Variants in PRMT9 observed in about 807,000 individuals in gnomAD.
PRMT9 encodes protein arginine N-methyltransferase 9.
PRMT9 carries 59 observed loss-of-function variants against 83.2 expected under a neutral mutation model. The observed-to-expected ratio is 0.71, with a 90% CI of 0.57 to 0.88. The LOEUF is 0.88. Ranked by LOEUF, PRMT9 falls within the 40% of genes least tolerant of loss-of-function variation. PRMT9 has a pLI of 0.00. For synonymous variants in PRMT9, 333 were observed against 353.2 expected (o/e 0.94, Z 0.64); for missense variants, 947 against 1,021.9 (o/e 0.93, Z 1.00).
intron 8 of PRMT9, among the ~76,000 whole-genome samples, chr4:147,655,919 G>A (rs867121014): frequency 3.9e-5 from 6 of 152,240 alleles, no homozygotes; most frequent in Middle Eastern, 6.8e-3. Context: ...GTTACTACAG[G>A]TATAAGAGAG....
Position 147,638,750 on chromosome 4 carries a change from A to G in PRMT9, c.2323-3T>C, listed in dbSNP as rs1057510390. On this transcript the variant is annotated splice_polypyrimidine_tract_variant and splice_region_variant and intron_variant, in intron 11 of 11. Transcript: ENST00000322396. The stretch of plus-strand genomic sequence containing the variant: ...CTTCCAGATTTACAAACGTATACCT[A>G]TGAAAATAAAGAAATTAGGAAAATA... The G allele has an allele frequency of 6.3e-7, 1 of 1,599,186 alleles. No individual in the cohort carries two copies. Among genetic ancestry groups the G allele is most frequent in the East Asian group, 2.2e-5 (1 of 44,638 alleles).
chr4:147,649,150 CAG>C (rs143527864), intron 9 of PRMT9, among the ~76,000 whole-genome samples: 516 of 141,712 alleles, frequency 3.6e-3, no homozygotes, highest in Non-Finnish European at 3.3e-3. Flanking sequence ...TGGCAGAGGG[CAG>C]AGAGAGAGAG....
In PRMT9 at chr4:147,637,785, T is replaced by C. The variant is rs1477258557; in HGVS notation, c.*747A>G. The C allele has an allele frequency of 1.3e-5, 2 of 152,340 alleles. No homozygotes were observed. Among genetic ancestry groups the C allele is most frequent in the Admixed American group, 6.6e-5 (1 of 15,264 alleles). The allele number at this position is 152,340 out of a possible 1,614,324, so 9.4% of individuals were successfully genotyped here. ...TGACTTACAAAGAGCACGCAGTGTA[T>C]AGGAGGCATAATAATGATCTTCCTT... is the stretch of plus-strand genomic sequence containing the variant. On this transcript the variant is annotated 3_prime_UTR_variant, in exon 12 of 12. Transcript: ENST00000322396.
At chr4:147,650,697 CAA>C (rs1734034767) in intron 9 of PRMT9, among the ~76,000 whole-genome samples, 2 of 152,174 alleles carry the variant, frequency 1.3e-5, no homozygotes, top group African/African-American at 4.8e-5. Context: ...TGAAAAAGAA[CAA>C]AGTTGGAGGC....
intron 10 of PRMT9, among the ~76,000 whole-genome samples, chr4:147,640,077 TTTTTTTTTTTTTTA>T (rs1733286506): frequency 1.1e-5 from 1 of 90,254 alleles, no homozygotes; most frequent in African/African-American, 3.7e-5. Context: ...TTTTTTTTTT[TTTTTTTTTTTTTTA>T]ATATAGGGTC....
intron 9 of PRMT9, among the ~76,000 whole-genome samples, chr4:147,651,277 C>A (rs1391294746): frequency 6.6e-6 from 1 of 152,034 alleles, no homozygotes; most frequent in East Asian, 1.9e-4. Flanking sequence ...AACTATAGAA[C>A]TTCTGAAAGA....
In PRMT9 at chr4:147,683,719, GC is replaced by G. The variant is rs1374208100; in HGVS notation, c.189+79del. The G allele has an allele frequency of 6.3e-6, 8 of 1,266,446 alleles. No homozygotes were observed. In the East Asian group the frequency reaches 1.9e-4, roughly 30 times the overall value. The allele number at this position is 1,266,446 out of a possible 1,614,324, so 78.5% of individuals were successfully genotyped here. A position where few individuals can be genotyped will look rare whatever the true frequency, so the allele number is the denominator to read the frequency against. On this transcript the variant is annotated intron_variant, in intron 1 of 11. Transcript: ENST00000322396. ...CCCACCCAGGCACCCTAGCCCCTCC[GC>G]TTTTTTTTTTTTCTGTTTTTTTTTT...
chr4:147,657,841 A>G lies in PRMT9; in HGVS notation c.1281T>C (p.Ser427=). ...CAGCCTGTTCCCAACATGTTTCCTC[A>G]CTAGGACTTGTGGATAAACTATGTT... The part of the protein sequence containing the change: ...DDEHSLSTSP[S]EETCWEQAVY... The change falls in exon 8 of 12, where the codon AGT becomes AGC. Residue 427 remains serine (S), a synonymous_variant. Transcript: ENST00000322396. The G allele has an allele frequency of 1.9e-6, 3 of 1,611,700 alleles. No individual in the cohort carries two copies. Among genetic ancestry groups the G allele is most frequent in the South Asian group, 1.1e-5 (1 of 90,892 alleles).
chr4:147,661,655 T>C (rs181870181), intron 6 of PRMT9, among the ~76,000 whole-genome samples: 265 of 152,068 alleles, frequency 1.7e-3, no homozygotes, highest in African/African-American at 6.2e-3. Flanking sequence ...CCGGGCGTGT[T>C]GGCGGGCGCC....
At chr4:147,660,404 G>C (rs1470876972) in intron 7 of PRMT9, among the ~76,000 whole-genome samples, 1 of 152,170 alleles carries the variant, frequency 6.6e-6, no homozygotes, top group South Asian at 2.1e-4. Flanking sequence ...GCCAAGGTCA[G>C]CAGATCGCTT....
intron 9 of PRMT9, among the ~76,000 whole-genome samples, chr4:147,646,490 T>TTAGG (rs369462676): frequency 2.2e-3 from 328 of 152,278 alleles, no homozygotes; most frequent in Middle Eastern, 0.017. Flanking sequence ...TGTGAGTCAC[T>TTAGG]TAGGTAGTCT....
intron 4 of PRMT9, among the ~76,000 whole-genome samples, chr4:147,671,228 GGAGA>G (rs1242765125): frequency 6.6e-6 from 1 of 152,042 alleles, no homozygotes; most frequent in Non-Finnish European, 1.5e-5. Flanking sequence ...ACTGATTGCA[GGAGA>G]GAGCCCTCCT....
chr4:147,672,267 T>C (rs1374553789), intron 4 of PRMT9, among the ~76,000 whole-genome samples: 1 of 152,220 alleles, frequency 6.6e-6, no homozygotes, highest in Non-Finnish European at 1.5e-5. Context: ...ATAGTTGATA[T>C]AAGGCACAAA....
intron 4 of PRMT9, among the ~76,000 whole-genome samples, chr4:147,672,595 G>A (rs544892357): frequency 1.3e-5 from 2 of 152,300 alleles, no homozygotes; most frequent in Admixed American, 1.3e-4. Context: ...AATGTGATAA[G>A]TCCATTGAAT....
At position 147,673,799 on chromosome 4, in the gene PRMT9, C is replaced by T. The variant is rs186811557; in HGVS notation, c.414G>A (p.Lys138=). 120 of 1,614,154 alleles carry T rather than the reference C, an allele frequency of 7.4e-5. No individual in the cohort carries two copies. The East Asian group carries it at 2.3e-3, about 30-fold the overall frequency. Residue 138 remains lysine (K), a synonymous_variant, in exon 3 of 12, where the codon AAG becomes AAA. Coordinates refer to ENST00000322396, the MANE Select transcript of PRMT9 (RefSeq NM_138364.4). The part of the protein sequence containing the change: ...VKLNPDFSDA[K]ENFYRVANWL... ...AGTTTGCAACACGATAAAAATTCTCCTTTGCATCACTGAAATCAGGGTTTA... is the reference window on the plus strand; with the variant it reads ...AGTTTGCAACACGATAAAAATTCTCTTTTGCATCACTGAAATCAGGGTTTA...
intron 1 of PRMT9, 61 bp downstream of exon 1, chr4:147,683,733 CTGTTT>C: frequency 1.2e-4 from 61 of 489,104 alleles, no homozygotes; most frequent in Non-Finnish European, 1.5e-4. Context: ...TTTTTTTTTT[CTGTTT>C]TTTTTTTTTT....
rs1283361254 is a variant in PRMT9 at position 147,638,474 on chromosome 4, CAAG to C, written c.*55_*57del. 7.3e-7 allele frequency: 1 copy of C among 1,360,842 alleles called. No homozygotes were observed. Among genetic ancestry groups the C allele is most frequent in the Non-Finnish European group, 1.1e-6 (1 of 951,702 alleles). The allele number at this position is 1,360,842 out of a possible 1,614,324, so 84.3% of individuals were successfully genotyped here. ...TTTTATATACCCCCACTAATTAAGA[CAAG>C]AATTTTGTACTTGTTGATGCTCTAT... On this transcript the variant is annotated 3_prime_UTR_variant, in exon 12 of 12. Transcript: ENST00000322396.
In PRMT9 at chr4:147,642,784, T is replaced by TA; in HGVS notation, c.2199+2dup. 2.5e-6 allele frequency: 4 copies of TA among 1,612,842 alleles called. No individual in the cohort carries two copies. The highest frequency in any genetic ancestry group is 3.4e-6 in the Non-Finnish European group (4 of 1,178,872). ...TGGTTGAACTTCTCCTCTAGACACT[T>TA]ACCTGAAACTGGTTAATAAAAGGTG... On this transcript the variant is annotated splice_region_variant and intron_variant, in intron 10 of 11. Transcript: ENST00000322396.
At chr4:147,668,812 C>A (rs1735535845) in intron 5 of PRMT9, among the ~76,000 whole-genome samples, 167 bp from the exon 6 acceptor site, 1 of 152,038 alleles carries the variant, frequency 6.6e-6, no homozygotes, top group Admixed American at 6.5e-5. Flanking sequence ...TTGGGCTGGG[C>A]ACTGTAGCTC....
Sources: allele counts gnomAD v4.1 joint callset (sites outside exome capture counted in the v4.1 genomes callset), GRCh38; gene constraint gnomAD v4.1.1; transcripts MANE v1.5; gene names NCBI Gene and HGNC (gene_info 2026-07-23, HGNC 2026-07-21).